CTDSPL: variants seen among roughly 807,000 people sequenced by gnomAD.
CTDSPL encodes CTD small phosphatase like.
In CTDSPL, 8 loss-of-function variants were observed where a neutral mutation model predicts 30.5. The observed-to-expected ratio is 0.26, with a 90% CI of 0.15 to 0.47. The LOEUF is 0.47. Ranked by LOEUF, CTDSPL falls within the 20% of genes least tolerant of loss-of-function variation. The probability of loss-of-function intolerance (pLI) is 0.99; values close to 1 mark genes in which losing one functional copy is unlikely to be tolerated. For missense variants in CTDSPL, 248 were observed against 366.1 expected (o/e 0.68, Z 2.63); for synonymous variants, 110 against 137.9 (o/e 0.80, Z 1.42).
chr3:37,914,992 C>G (rs1698628970), intron 1 of CTDSPL, among the ~76,000 whole-genome samples: 1 of 149,586 alleles, frequency 6.7e-6, no homozygotes, highest in African/African-American at 2.5e-5. Context: ...TCCAGCAGTC[C>G]TCCTGCCTTG....
intron 5 of CTDSPL, chr3:37,968,233 C>T (rs755898273): frequency 4.3e-6 from 2 of 460,584 alleles, no homozygotes; most frequent in Admixed American, 4.9e-5. Context: ...CAGGAAAATG[C>T]CACAAGTCAC....
intron 1 of CTDSPL, among the ~76,000 whole-genome samples, chr3:37,901,917 C>T: frequency 6.6e-6 from 1 of 152,208 alleles, no homozygotes; most frequent in Non-Finnish European, 1.5e-5. Flanking sequence ...ACATCAGGGA[C>T]TCATCTCTTA....
chr3:37,969,541 G>A (rs1699341657), intron 5 of CTDSPL: 1 of 415,776 alleles, frequency 2.4e-6, no homozygotes, highest in Admixed American at 3.0e-5. Context: ...ACCAACACCA[G>A]AGTTCACAAA....
chr3:37,968,008 G>A (rs1470002495), intron 5 of CTDSPL, 126 bp downstream of exon 5: 3 of 643,416 alleles, frequency 4.7e-6, no homozygotes, highest in East Asian at 5.7e-5. Context: ...GAAGCATACT[G>A]TAATAAATAC....
At position 37,862,812 on chromosome 3, in the gene CTDSPL, AGCCTGGAGAGGTTCTAT is replaced by A. The variant is rs1233811291; in HGVS notation, c.79+540_79+556del. Among the ~76,000 whole-genome samples the A allele has an allele frequency of 6.6e-6, 1 of 152,086 alleles. No homozygotes were observed. Among genetic ancestry groups the A allele is most frequent in the Non-Finnish European group, 1.5e-5 (1 of 68,008 alleles). On this transcript the variant is annotated intron_variant, in intron 1 of 7. Transcript: ENST00000273179. This position sits in a 1 kb window ranked among gnomAD's most constrained non-coding sequence, Gnocchi z 4.3. ...TGTGGAATGTGTGTGCGTGAGCATGAGCCTGGAGAGGTTCTATGCCTGTTCACTCCTGACAGAGTTTG... is the reference window on the plus strand; with the variant it reads ...TGTGGAATGTGTGTGCGTGAGCATGAGCCTGTTCACTCCTGACAGAGTTTG...
intron 1 of CTDSPL, among the ~76,000 whole-genome samples, chr3:37,934,787 C>T (rs1233017348): frequency 6.6e-6 from 1 of 152,146 alleles, no homozygotes; most frequent in Non-Finnish European, 1.5e-5. Context: ...GGAGCTATTC[C>T]TTTTGAATAT....
chr3:37,885,277 A>G (rs1315447535), intron 1 of CTDSPL, among the ~76,000 whole-genome samples: 2 of 152,176 alleles, frequency 1.3e-5, no homozygotes, highest in African/African-American at 4.8e-5. Flanking sequence ...TTTTATAGGA[A>G]TTCTGGGCAA....
In CTDSPL at chr3:37,948,808, C is replaced by CTTTTTTTTTTTT. The variant is rs71635858; in HGVS notation, c.234+1609_234+1620dup. On this transcript the variant is annotated intron_variant, in intron 2 of 7. Coordinates refer to ENST00000273179, the MANE Select transcript of CTDSPL (RefSeq NM_001008392.2). ...TAATGAGAGACCATTTTCCAGCTTT[C>CTTTTTTTTTTTT]TTTTTTTTTTTTTTTTTTTTTTTGA... Among the ~76,000 whole-genome samples the CTTTTTTTTTTTT allele has an allele frequency of 4.9e-4, 53 of 108,148 alleles. 2 individuals are homozygous for CTTTTTTTTTTTT. Among genetic ancestry groups the CTTTTTTTTTTTT allele is most frequent in the African/African-American group, 2.1e-3 (51 of 24,452 alleles). The allele number at this position is 108,148 out of a possible 152,430, so 70.9% of individuals were successfully genotyped here.
At chr3:37,907,934 T>C (rs934475503) in intron 1 of CTDSPL, among the ~76,000 whole-genome samples, 7 of 152,192 alleles carry the variant, frequency 4.6e-5, no homozygotes, top group African/African-American at 1.7e-4. Flanking sequence ...TGCCAGGAAC[T>C]ATCACACATG....
At chr3:37,948,692 T>C (rs973481355) in intron 2 of CTDSPL, among the ~76,000 whole-genome samples, 13 of 151,524 alleles carry the variant, frequency 8.6e-5, no homozygotes, top group Non-Finnish European at 1.8e-4. Context: ...TTTCATATGG[T>C]CAAACATACG....
chr3:37,976,406 G>A (rs780055339), intron 7 of CTDSPL, among the ~76,000 whole-genome samples: 1 of 152,180 alleles, frequency 6.6e-6, no homozygotes, highest in Admixed American at 6.5e-5. Flanking sequence ...GGGAGGCCGA[G>A]GCAGATCACA....
intron 1 of CTDSPL, among the ~76,000 whole-genome samples, chr3:37,900,614 C>A (rs1227962512): frequency 6.6e-6 from 1 of 151,946 alleles, no homozygotes; most frequent in African/African-American, 2.4e-5. Context: ...TATTGTTAAC[C>A]ATCATTGGCT....
chr3:37,872,312 G>C (rs1055923803), intron 1 of CTDSPL, among the ~76,000 whole-genome samples: 2 of 151,800 alleles, frequency 1.3e-5, no homozygotes, highest in Non-Finnish European at 2.9e-5. Context: ...TCCTGGTGTT[G>C]GGTTGGCATT....
chr3:37,907,063 A>C (rs1414596474), intron 1 of CTDSPL, among the ~76,000 whole-genome samples: 1 of 152,220 alleles, frequency 6.6e-6, no homozygotes, highest in Non-Finnish European at 1.5e-5. Flanking sequence ...TGTCCCTGCC[A>C]AAAACCCCCA....
At chr3:37,927,684 GTA>G (rs71094933) in intron 1 of CTDSPL, among the ~76,000 whole-genome samples, 4,144 of 117,454 alleles carry the variant, frequency 0.035, 109 homozygotes, top group South Asian at 0.049. Context: ...GTGTGTATGT[GTA>G]TATATATATA....
intron 1 of CTDSPL, among the ~76,000 whole-genome samples, chr3:37,925,393 A>T (rs1210410881): frequency 1.3e-5 from 2 of 151,904 alleles, no homozygotes; most frequent in East Asian, 3.9e-4. Flanking sequence ...TTTCTCCTCT[A>T]CCCGGACTCA....
At position 37,975,602 on chromosome 3, in the gene CTDSPL, T is replaced by G; in HGVS notation, c.520-107T>G. The stretch of plus-strand genomic sequence containing the variant: ...AACCAGGATCCTAAGACACATCTAA[T>G]TATTAAATCCATTTTTAAAAAACGT... On this transcript the variant is annotated intron_variant, in intron 6 of 7. Coordinates refer to ENST00000273179, the MANE Select transcript of CTDSPL (RefSeq NM_001008392.2). This position sits in a 1 kb window ranked among gnomAD's most constrained non-coding sequence, Gnocchi z 4.9. 1 of 964,456 alleles carries G rather than the reference T, an allele frequency of 1.0e-6. No individual in the cohort carries two copies. The highest frequency in any genetic ancestry group is 1.5e-6 in the Non-Finnish European group (1 of 648,280). 59.7% of individuals were successfully genotyped at this position (964,456 alleles called of 1,614,324 possible).
intron 1 of CTDSPL, among the ~76,000 whole-genome samples, chr3:37,914,786 A>G (rs1286607652): frequency 6.7e-6 from 1 of 149,932 alleles, no homozygotes; most frequent in Non-Finnish European, 1.5e-5. Context: ...TTTTTGTGTC[A>G]TGGTTTGGTT....
intron 1 of CTDSPL, among the ~76,000 whole-genome samples, chr3:37,895,969 G>C (rs1017325972): frequency 1.3e-5 from 2 of 152,148 alleles, no homozygotes; most frequent in Non-Finnish European, 2.9e-5. Flanking sequence ...AAGTAAAATT[G>C]TACTTTTTGA....
Sources: allele counts gnomAD v4.1 joint callset (sites outside exome capture counted in the v4.1 genomes callset), GRCh38; gene constraint gnomAD v4.1.1; non-coding constraint Gnocchi (gnomAD v3.1); transcripts MANE v1.5; gene names NCBI Gene and HGNC (gene_info 2026-07-23, HGNC 2026-07-21).